Variants in AFF3 observed in about 807,000 individuals in gnomAD.
AFF3 encodes the protein AF4/FMR2 family member 3.
In AFF3, 32 loss-of-function variants were observed where a neutral mutation model predicts 129.7. The ratio of observed to expected loss-of-function variants is 0.25; its 90% confidence interval spans 0.19 to 0.33. AFF3 has a LOEUF of 0.33. Among genes scored for constraint, AFF3 ranks in the 10% least tolerant of loss-of-function variants. The probability of loss-of-function intolerance (pLI) is 1.00; values close to 1 mark genes in which losing one functional copy is unlikely to be tolerated. For missense variants in AFF3, 1,373 were observed against 1,592.0 expected, an observed-to-expected ratio of 0.86 and a Z score of 2.34; for synonymous variants, 644 against 635.4, an observed-to-expected ratio of 1.01 and a Z score of -0.20.
rs545565928 is a variant in AFF3, at chr2:100,040,682, C to T, written c.54-31750G>A. Among the ~76,000 whole-genome samples, 19 of 152,308 alleles carry T rather than the reference C, an allele frequency of 1.2e-4. No homozygotes were observed. In the South Asian group the frequency reaches 2.9e-3, roughly 23 times the overall value. ...CTGGCACACCTGCTTTGTTCCCCTG[C>T]TACCGACAGGCTTGCTATTTCTTTC... On this transcript the variant is annotated intron_variant, in intron 4 of 24. Coordinates refer to ENST00000672756, the MANE Select transcript of AFF3 (RefSeq NM_001386135.1).
At chr2:99,794,349 G>A (rs918580405) in intron 8 of AFF3, among the ~76,000 whole-genome samples, 1 of 152,164 alleles carries the variant, frequency 6.6e-6, no homozygotes, top group African/African-American at 2.4e-5. Context: ...TTTAAATTGT[G>A]TTAGGGTGTA....
At chr2:99,717,172 A>C (rs1368674073) in intron 11 of AFF3, among the ~76,000 whole-genome samples, 1 of 152,228 alleles carries the variant, frequency 6.6e-6, no homozygotes, top group African/African-American at 2.4e-5. Flanking sequence ...CACAGTTATG[A>C]ATCAAGTAGC....
At chr2:100,050,830 T>C (rs187951636) in intron 4 of AFF3, among the ~76,000 whole-genome samples, 54 of 152,296 alleles carry the variant, frequency 3.5e-4, no homozygotes, top group Admixed American at 1.5e-3. Context: ...CCAATTTCCA[T>C]GCAGGAGCTG....
At chr2:99,757,161 T>C (rs1682182823) in intron 8 of AFF3, among the ~76,000 whole-genome samples, 2 of 152,228 alleles carry the variant, frequency 1.3e-5, no homozygotes, top group Admixed American at 6.5e-5. Flanking sequence ...CTTCTTTCCC[T>C]GGCTGATCTT....
chr2:99,621,182 G>C (rs898739764), intron 13 of AFF3, among the ~76,000 whole-genome samples: 8 of 152,212 alleles, frequency 5.3e-5, no homozygotes, highest in African/African-American at 1.9e-4. Flanking sequence ...GCAATGGCGA[G>C]GCCAAGAAAA....
rs1180003192 is a variant in AFF3 at position 99,936,095 on chromosome 2, T to A, written c.873+70537A>T. Among the ~76,000 whole-genome samples the A allele has an allele frequency of 3.3e-5, 5 of 152,296 alleles. No homozygotes were observed. In the East Asian group the frequency reaches 9.6e-4, roughly 29 times the overall value. ...GTATTCTAAAATCAGAAGAGGAAGA[T>A]CACCCATACTAACTGGCTAATCTAA... is the stretch of plus-strand genomic sequence containing the variant. On this transcript the variant is annotated intron_variant, in intron 7 of 24. Transcript: ENST00000672756.
At chr2:99,555,609 CCT>C (rs1192074872) in intron 22 of AFF3, among the ~76,000 whole-genome samples, 2 of 152,148 alleles carry the variant, frequency 1.3e-5, no homozygotes, top group African/African-American at 4.8e-5. Context: ...TTAGATTTCC[CCT>C]CTGAGAACCC....
chr2:100,070,757 T>C (rs1688116120), intron 4 of AFF3, among the ~76,000 whole-genome samples: 1 of 152,210 alleles, frequency 6.6e-6, no homozygotes, highest in South Asian at 2.1e-4. Context: ...CTCATTTCTG[T>C]CACATAATTA....
chr2:99,900,078 T>A (rs116735123), intron 7 of AFF3, among the ~76,000 whole-genome samples: 1,983 of 152,252 alleles, frequency 0.013, 41 homozygotes, highest in African/African-American at 0.045. Flanking sequence ...AATAGGATAT[T>A]AAGGCTTGAG....
rs546227863 is a variant in AFF3, at chr2:99,775,094, T to C, written c.922-22793A>G. ...ATTATTAAAAAATCAAAAAACAACA[T>C]GCTGGCAATGTCGTGGAGAAGAAGG... On this transcript the variant is annotated intron_variant, in intron 8 of 24. Transcript: ENST00000672756. Among the ~76,000 whole-genome samples the C allele has an allele frequency of 1.6e-3, 239 of 152,194 alleles. 1 individual carries two copies. Among genetic ancestry groups the C allele is most frequent in the Non-Finnish European group, 1.9e-3 (131 of 67,998 alleles).
At position 99,554,665 on chromosome 2, in the gene AFF3, T is replaced by A; in HGVS notation, c.3335+18A>T. On this transcript the variant is annotated intron_variant, in intron 23 of 24. Coordinates refer to ENST00000672756, the MANE Select transcript of AFF3 (RefSeq NM_001386135.1). ...CATTGTCTGGCTTACGGCATTGACT[T>A]TGGAAAAGCGAACTTACTTTCCACT... The A allele has an allele frequency of 6.2e-7, 1 of 1,614,140 alleles. No individual in the cohort carries two copies. The highest frequency in any genetic ancestry group is 8.5e-7 in the Non-Finnish European group (1 of 1,180,010).
chr2:99,811,424 T>C (rs1256552763), intron 8 of AFF3, among the ~76,000 whole-genome samples: 1 of 152,136 alleles, frequency 6.6e-6, no homozygotes, highest in African/African-American at 2.4e-5. Context: ...TTTTTGGTTT[T>C]TTTTTCCCTT....
rs1193657728 is a variant in AFF3, at chr2:99,572,308, CCT to C, written c.2919-3395_2919-3394del. On this transcript the variant is annotated intron_variant, in intron 18 of 24. Transcript: ENST00000672756. The stretch of plus-strand genomic sequence containing the variant: ...CCCTCCCACCACCCCCCCCCCCCCA[CCT>C]AGAAACACACGGTCTTGGTTCTCAG... 1.2e-3 allele frequency among the ~76,000 whole-genome samples: 150 copies of C among 130,092 alleles called. 1 individual carries two copies. Among genetic ancestry groups the C allele is most frequent in the African/African-American group, 4.4e-3 (142 of 32,082 alleles). The allele number at this position is 130,092 out of a possible 152,430, so 85.3% of individuals were successfully genotyped here. A position where few individuals can be genotyped will look rare whatever the true frequency, so the allele number is the denominator to read the frequency against.
At chr2:99,984,987 G>A (rs535725438) in intron 7 of AFF3, among the ~76,000 whole-genome samples, 1 of 152,158 alleles carries the variant, frequency 6.6e-6, no homozygotes, top group African/African-American at 2.4e-5. Context: ...GAGTAAATCA[G>A]GCAACTTCAC....
intron 18 of AFF3, chr2:99,572,570 G>A (rs560903913): frequency 5.3e-5 from 24 of 455,498 alleles, no homozygotes; most frequent in South Asian, 1.7e-4. Context: ...CAAGTTCCTC[G>A]GCGCGGCAGA....
At chr2:99,744,210 A>C in intron 9 of AFF3, 70 bp from the exon 10 acceptor site, 16 of 1,434,028 alleles carry the variant, frequency 1.1e-5, no homozygotes, top group African/African-American at 1.4e-5. Context: ...ACATGAGATC[A>C]TGTTTAAAAC....
At chr2:99,870,198 G>C (rs1030063787) in intron 7 of AFF3, among the ~76,000 whole-genome samples, 14 of 152,180 alleles carry the variant, frequency 9.2e-5, no homozygotes, top group African/African-American at 3.4e-4. Context: ...TCTGGTGTCA[G>C]GAGCAGCAAA....
At chr2:100,081,084 G>T (rs1310379243) in intron 4 of AFF3, among the ~76,000 whole-genome samples, 2 of 151,962 alleles carry the variant, frequency 1.3e-5, no homozygotes, top group East Asian at 3.9e-4. Flanking sequence ...CAAGCCCACA[G>T]TCCACAAGTG....
In AFF3 at chr2:99,733,396, A is replaced by AAC. The variant is rs1553442230; in HGVS notation, c.1040-6269_1040-6268insGT. On this transcript the variant is annotated intron_variant, in intron 10 of 24. Coordinates refer to ENST00000672756, the MANE Select transcript of AFF3 (RefSeq NM_001386135.1). ...CTCCGTCCAAAAAAAAAAAAAACCA[A>AAC]AACAACAACAACAACAACAACAAAA... 2.1e-5 allele frequency among the ~76,000 whole-genome samples: 3 copies of AAC among 144,386 alleles called. No homozygotes were observed. The South Asian group carries it at 6.5e-4, about 31-fold the overall frequency. The allele number at this position is 144,386 out of a possible 152,430, so 94.7% of individuals were successfully genotyped here.
Sources: allele counts gnomAD v4.1 joint callset (sites outside exome capture counted in the v4.1 genomes callset), GRCh38; gene constraint gnomAD v4.1.1; transcripts MANE v1.5; gene names NCBI Gene and HGNC (gene_info 2026-07-23, HGNC 2026-07-21).